DYM: variants seen among roughly 807,000 people sequenced by gnomAD.
DYM encodes the protein dymeclin, also known as dyggve-Melchior-Clausen syndrome protein.
A neutral mutation model predicts 93.1 loss-of-function variants in DYM; 78 were observed. That is an observed-to-expected ratio of 0.84 (90% CI 0.70 to 1.01). DYM has a LOEUF of 1.01. Ranked by LOEUF, DYM falls within the 50% of genes least tolerant of loss-of-function variation. The pLI is 0.00. For synonymous variants in DYM, 321 were observed against 319.7 expected (o/e 1.00, Z -0.04); for missense variants, 789 against 845.0 (o/e 0.93, Z 0.82).
At chr18:49,145,880 T>C (rs2085072437) in intron 15 of DYM, among the ~76,000 whole-genome samples, 2 of 152,136 alleles carry the variant, frequency 1.3e-5, no homozygotes, top group Admixed American at 6.5e-5. Context: ...TTGTTTTCTT[T>C]TTATATTTTA....
At chr18:49,295,177 C>T (rs1278975174) in intron 8 of DYM, among the ~76,000 whole-genome samples, 1 of 152,120 alleles carries the variant, frequency 6.6e-6, no homozygotes, top group Non-Finnish European at 1.5e-5. Flanking sequence ...GCTTTTCCTA[C>T]ATAAGTATAG....
In DYM at chr18:49,039,366, T is replaced by C. The variant is rs2070819318; in HGVS notation, c.*4689A>G. Among the ~76,000 whole-genome samples the C allele has an allele frequency of 1.3e-5, 2 of 152,194 alleles. No individual in the cohort carries two copies. The highest frequency in any genetic ancestry group is 1.3e-4 in the Admixed American group (2 of 15,284). On this transcript the variant is annotated 3_prime_UTR_variant, in exon 18 of 18. Transcript: ENST00000675505. ...TCTTTGGTCTTCAACAGTTTTACTATGATGTTTCTAGGTGTGGGTTGTTTT... is the reference window on the plus strand; with the variant it reads ...TCTTTGGTCTTCAACAGTTTTACTACGATGTTTCTAGGTGTGGGTTGTTTT...
intron 8 of DYM, among the ~76,000 whole-genome samples, chr18:49,331,615 T>C (rs941475417): frequency 6.6e-6 from 1 of 152,272 alleles, no homozygotes; most frequent in African/African-American, 2.4e-5. Flanking sequence ...ATACGCATAT[T>C]TATGTGTAAA....
chr18:49,322,018 T>C (rs1161142696), intron 8 of DYM, among the ~76,000 whole-genome samples: 1 of 152,034 alleles, frequency 6.6e-6, no homozygotes, highest in Non-Finnish European at 1.5e-5. Context: ...TCAAGTAAAA[T>C]ACATTATAAT....
chr18:49,426,217 T>C (rs1319927399), intron 2 of DYM, among the ~76,000 whole-genome samples: 1 of 151,796 alleles, frequency 6.6e-6, no homozygotes, highest in Non-Finnish European at 1.5e-5. Flanking sequence ...TATGTAGCCA[T>C]AAAAGAGGAT....
chr18:49,349,734 T>C (rs749217270), intron 6 of DYM, among the ~76,000 whole-genome samples: 10 of 152,164 alleles, frequency 6.6e-5, no homozygotes, highest in South Asian at 2.1e-4. Flanking sequence ...GGCAGAAAGA[T>C]TGCTTGAGGC....
At chr18:49,409,353 T>A (rs558037736) in intron 2 of DYM, among the ~76,000 whole-genome samples, 58 of 152,156 alleles carry the variant, frequency 3.8e-4, no homozygotes, top group African/African-American at 1.2e-3. Context: ...TGGATTATAT[T>A]TGTTCATTAT....
intron 3 of DYM, among the ~76,000 whole-genome samples, chr18:49,388,451 A>G (rs2068847827): frequency 1.3e-5 from 2 of 152,244 alleles, no homozygotes; most frequent in South Asian, 2.1e-4. Flanking sequence ...AGGCCTAACA[A>G]GTATATGGGA....
intron 5 of DYM, among the ~76,000 whole-genome samples, chr18:49,377,897 A>G (rs534350827): frequency 4.1e-4 from 63 of 152,330 alleles, no homozygotes; most frequent in African/African-American, 1.5e-3. Flanking sequence ...AGAGATGTTA[A>G]CATATGACCT....
At position 49,363,154 on chromosome 18, in the gene DYM, A is replaced by G. The variant is rs1199269062; in HGVS notation, c.494+7T>C. On this transcript the variant is annotated splice_region_variant and intron_variant, in intron 6 of 17. Coordinates refer to ENST00000675505, the MANE Select transcript of DYM (RefSeq NM_001353214.3). ...ATAAAACAAATCCTGGCCTAGCCAGAACTTACAAGAGTGGAATATCAGTGA... is the reference window on the plus strand; with the variant it reads ...ATAAAACAAATCCTGGCCTAGCCAGGACTTACAAGAGTGGAATATCAGTGA... 6.8e-6 allele frequency: 11 copies of G among 1,611,320 alleles called. No homozygotes were observed. The highest frequency in any genetic ancestry group is 8.5e-6 in the Non-Finnish European group (10 of 1,177,606).
intron 14 of DYM, among the ~76,000 whole-genome samples, chr18:49,174,215 C>A (rs1226096773): frequency 3.3e-5 from 3 of 91,590 alleles, no homozygotes; most frequent in African/African-American, 8.5e-5. Flanking sequence ...CCAATGGTAT[C>A]TTTTTCTATG....
chr18:49,391,965 G>C (rs1033580403), intron 2 of DYM, among the ~76,000 whole-genome samples: 1 of 152,164 alleles, frequency 6.6e-6, no homozygotes, highest in African/African-American at 2.4e-5. Context: ...CAAGGGCCCT[G>C]TGTGCCCAAT....
chr18:49,081,698 G>C (rs1206011661), intron 17 of DYM, among the ~76,000 whole-genome samples: 1 of 152,176 alleles, frequency 6.6e-6, no homozygotes, highest in African/African-American at 2.4e-5. Context: ...ATGTGGACTG[G>C]CAGAGTTTAA....
chr18:49,229,588 T>G (rs1236635422), intron 13 of DYM, among the ~76,000 whole-genome samples: 1 of 152,082 alleles, frequency 6.6e-6, no homozygotes, highest in African/African-American at 2.4e-5. Context: ...ACAGAACTAT[T>G]AAAATGGCTT....
At chr18:49,415,613 T>C (rs181074150) in intron 2 of DYM, among the ~76,000 whole-genome samples, 40 of 152,172 alleles carry the variant, frequency 2.6e-4, no homozygotes, top group Admixed American at 2.6e-3. Flanking sequence ...AGTAAAGTTT[T>C]CTGAAAAGTA....
chr18:49,262,973 T>C (rs2094513017), intron 11 of DYM, among the ~76,000 whole-genome samples: 2 of 152,178 alleles, frequency 1.3e-5, no homozygotes, highest in Non-Finnish European at 2.9e-5. Flanking sequence ...AAAGAAAGAA[T>C]TCCTGACTCT....
intron 9 of DYM, among the ~76,000 whole-genome samples, chr18:49,285,632 C>T (rs2095103848): frequency 1.3e-5 from 2 of 152,314 alleles, no homozygotes; most frequent in South Asian, 4.1e-4. Context: ...ACCACATAGC[C>T]TAGTTGTGTA....
At chr18:49,138,157 C>T (rs2084060143) in intron 15 of DYM, among the ~76,000 whole-genome samples, 1 of 152,124 alleles carries the variant, frequency 6.6e-6, no homozygotes, top group African/African-American at 2.4e-5. Flanking sequence ...AACTAATTTA[C>T]TGGTTATTAT....
At chr18:49,123,253 C>G (rs1459532566) in intron 15 of DYM, among the ~76,000 whole-genome samples, 1 of 152,014 alleles carries the variant, frequency 6.6e-6, no homozygotes, top group Admixed American at 6.6e-5. Context: ...CTTAATACTT[C>G]CAAATCTATA....
Sources: gnomAD v4.1 joint callset for allele counts (sites outside exome capture counted in the v4.1 genomes callset) on GRCh38, gnomAD v4.1.1 for gene constraint, MANE v1.5 for transcripts, NCBI Gene and HGNC (gene_info 2026-07-23, HGNC 2026-07-21) for gene names.